Variants in COL6A3 observed in about 807,000 individuals in gnomAD.
The protein encoded by COL6A3 is collagen alpha-3(VI) chain.
A neutral mutation model predicts 274.1 loss-of-function variants in COL6A3; 137 were observed. The observed-to-expected ratio is 0.50, with a 90% CI of 0.44 to 0.58. The LOEUF is 0.58. Ranked by LOEUF, COL6A3 falls within the 20% of genes least tolerant of loss-of-function variation. COL6A3 has a pLI of 0.00. For missense variants in COL6A3, 3,950 were observed against 4,124.9 expected (o/e 0.96, Z 1.16); for synonymous variants, 1,650 against 1,650.6 (o/e 1.00, Z 0.01).
At chr2:237,328,201 T>G (rs1700049039) in intron 42 of COL6A3, 1 of 152,342 alleles carries the variant, frequency 6.6e-6, no homozygotes, top group African/African-American at 2.4e-5. Flanking sequence ...GCTGCCTGAC[T>G]CAGACCACTG....
chr2:237,365,244 G>T (rs1448561417), intron 12 of COL6A3, among the ~76,000 whole-genome samples: 2 of 151,360 alleles, frequency 1.3e-5, no homozygotes, highest in African/African-American at 4.9e-5. Flanking sequence ...AGGATGTCAA[G>T]CCTCCAAGAC....
At chr2:237,360,036 G>A in intron 17 of COL6A3, 52 bp downstream of exon 17, 1 of 1,580,832 alleles carries the variant, frequency 6.3e-7, no homozygotes, top group African/African-American at 1.3e-5. Flanking sequence ...TGGAGAAACT[G>A]CGAGTCACCT....
At position 237,324,684 on chromosome 2, in the gene COL6A3, G is replaced by A. The variant is rs886055802; in HGVS notation, c.*90C>T. ...CAAAGCATGAAATGATACAGTGCAA[G>A]GGAATCTACACCCGGAGCTTCTACA... On this transcript the variant is annotated 3_prime_UTR_variant, in exon 44 of 44. Transcript: ENST00000295550. 7 of 1,180,696 alleles carry A rather than the reference G, an allele frequency of 5.9e-6. No homozygotes were observed. The South Asian group carries it at 7.4e-5, about 13-fold the overall frequency. 73.1% of individuals were successfully genotyped at this position (1,180,696 alleles called of 1,614,324 possible).
At chr2:237,360,985 A>G in intron 16 of COL6A3, 136 bp downstream of exon 16, 2 of 777,308 alleles carry the variant, frequency 2.6e-6, no homozygotes, top group Non-Finnish European at 4.5e-6. Context: ...AGTTGTTAAG[A>G]AAAGTATAAA....
rs1358346718 is a variant in COL6A3, at chr2:237,342,138, A to T, written c.7692T>A (p.His2564Gln). 1.2e-6 allele frequency: 2 copies of T among 1,614,082 alleles called. No individual in the cohort carries two copies. Among genetic ancestry groups the T allele is most frequent in the East Asian group, 2.2e-5 (1 of 44,904 alleles). The change falls in exon 37 of 44, where the codon CAT (histidine) becomes CAA (glutamine). Residue 2564 changes from histidine (H) to glutamine (Q), a missense_variant. Around this residue, in one of 5 missense-constraint regions of COL6A3, gnomAD observed 1,284 missense variants for 1,349.7 expected, o/e 0.95. Coordinates refer to ENST00000295550, the MANE Select transcript of COL6A3 (RefSeq NM_004369.4). ...ALQINNTAVG[H>Q]ALVLPAGRDL... ...CTCTCCCTGCAGGCAGGACAAGCGCATGCCCCACTGCTGTGTTATTGATCT... is the reference window on the plus strand; with the variant it reads ...CTCTCCCTGCAGGCAGGACAAGCGCTTGCCCCACTGCTGTGTTATTGATCT...
chr2:237,385,288 A>T (rs148078952), intron 4 of COL6A3, among the ~76,000 whole-genome samples: 1 of 152,364 alleles, frequency 6.6e-6, no homozygotes, highest in African/African-American at 2.4e-5. Flanking sequence ...GGCACATGCC[A>T]GATAGTCAAG....
Position 237,368,862 on chromosome 2 carries a change from C to T in COL6A3, c.4601G>A (p.Ser1534Asn), listed in dbSNP as rs1052917427. 1 of 1,614,216 alleles carries T rather than the reference C, an allele frequency of 6.2e-7. No individual in the cohort carries two copies. Among genetic ancestry groups the T allele is most frequent in the Non-Finnish European group, 8.5e-7 (1 of 1,180,036 alleles). ...ARNLFVKSAG[S>N]RIEDGVPQHL... ...TTGGGGCACCCCGTCTTCTATGCGA[C>T]TCCCCGCAGACTTAACAAAGAGGTT... The change falls in exon 10 of 44, where the codon AGT (serine) becomes AAT (asparagine). Residue 1534 changes from serine (S) to asparagine (N), a missense_variant. Ser to Asn is a conservative substitution (Grantham distance 46, BLOSUM62 1). This residue lies in a region of COL6A3 where 1,934 missense variants were observed against 1,984.3 expected (regional missense o/e 0.97). Transcript: ENST00000295550. The surrounding 1 kb of genome is among the most constrained non-coding windows in gnomAD (Gnocchi z 4.4).
intron 1 of COL6A3, among the ~76,000 whole-genome samples, chr2:237,398,150 A>C (rs1179677869): frequency 1.3e-5 from 2 of 152,250 alleles, no homozygotes; most frequent in Non-Finnish European, 2.9e-5. Flanking sequence ...TTCTCTATTA[A>C]TATTTAGCAC....
chr2:237,353,262 G>T, intron 25 of COL6A3, 79 bp downstream of exon 25: 3 of 1,400,350 alleles, frequency 2.1e-6, no homozygotes, highest in Non-Finnish European at 3.0e-6. Context: ...TAACTTTCCG[G>T]ATATAAATGC....
rs1655479298 is a variant in COL6A3 at position 237,344,193 on chromosome 2, G to A, written c.7668+157C>T. ...AGTGCTGGAGCCACGAGGTTGTCCT[G>A]GAGACCTCACAAGAGAAGTTCTCAG... is the stretch of plus-strand genomic sequence containing the variant. On this transcript the variant is annotated intron_variant, in intron 36 of 43. Coordinates refer to ENST00000295550, the MANE Select transcript of COL6A3 (RefSeq NM_004369.4). The surrounding 1 kb of genome is among the most constrained non-coding windows in gnomAD (Gnocchi z 4.8). 6 of 1,110,616 alleles carry A rather than the reference G, an allele frequency of 5.4e-6. No homozygotes were observed. The highest frequency in any genetic ancestry group is 1.7e-5 in the Admixed American group (1 of 59,238). The allele number at this position is 1,110,616 out of a possible 1,614,324, so 68.8% of individuals were successfully genotyped here.
In COL6A3 at chr2:237,344,406, T is replaced by C. The variant is rs770214397; in HGVS notation, c.7612A>G (p.Ile2538Val). ...EAVLKLSDAG[I>V]TPLFLTRQED... ...TGCCTTGTAAGGAACAAGGGGGTGA[T>C]CCCCGCATCTGAGAGCTTGAGCACA... The change falls in exon 36 of 44, where the codon ATC becomes GTC. Residue 2538 changes from isoleucine (I) to valine (V), a missense_variant. Around this residue, in one of 5 missense-constraint regions of COL6A3, gnomAD observed 1,284 missense variants for 1,349.7 expected, o/e 0.95. Transcript: ENST00000295550. This position sits in a 1 kb window ranked among gnomAD's most constrained non-coding sequence, Gnocchi z 4.8. 5.6e-6 allele frequency: 9 copies of C among 1,613,980 alleles called. No individual in the cohort carries two copies. In the East Asian group the frequency reaches 1.6e-4, roughly 28 times the overall value.
In COL6A3 at chr2:237,380,975, A is replaced by G; in HGVS notation, c.1837T>C (p.Leu613=). 1 of 1,614,196 alleles carries G rather than the reference A, an allele frequency of 6.2e-7. No individual in the cohort carries two copies. Among genetic ancestry groups the G allele is most frequent in the Non-Finnish European group, 8.5e-7 (1 of 1,180,026 alleles). Residue 613 remains leucine, a synonymous_variant, in exon 5 of 44, where the codon TTG becomes CTG. Coordinates refer to ENST00000295550, the MANE Select transcript of COL6A3 (RefSeq NM_004369.4). ...FIPAEFRAAP[L]QGMLPGLLAP... ...AGCAAGCCAGGCAGCATGCCTTGCA[A>G]TGGGGCGGCTCGGAACTCAGCTGGG...
intron 1 of COL6A3, among the ~76,000 whole-genome samples, chr2:237,401,239 G>A (rs6720283): frequency 0.32 from 48,252 of 151,866 alleles, 9,333 homozygotes; most frequent in East Asian, 0.48. Context: ...CCCACTTTTG[G>A]GTATATCCAA....
Position 237,387,644 on chromosome 2 carries a change from G to A in COL6A3, c.1250C>T (p.Pro417Leu), listed in dbSNP as rs768565371. 1.4e-5 allele frequency: 23 copies of A among 1,613,616 alleles called. No homozygotes were observed. The highest frequency in any genetic ancestry group is 4.4e-5 in the South Asian group (4 of 90,944). ...SFGDLQEKLL[P>L]YIVGVAQRHI... The stretch of plus-strand genomic sequence containing the variant: ...CCTTTGGGCCACGCCAACAATGTAC[G>A]GCAGTAATTTCTCCTGGAGGTCCCC... The change falls in exon 4 of 44, where the codon CCG (proline) becomes CTG (leucine). Residue 417 changes from proline (P) to leucine (L), a missense_variant. Pro to Leu is a moderately conservative substitution (Grantham distance 98). This residue lies in a region of COL6A3 where 1,934 missense variants were observed against 1,984.3 expected (regional missense o/e 0.97). Transcript: ENST00000295550.
intron 9 of COL6A3, among the ~76,000 whole-genome samples, chr2:237,369,736 G>C (rs992742963): frequency 1.3e-5 from 2 of 152,190 alleles, no homozygotes; most frequent in Non-Finnish European, 2.9e-5. Flanking sequence ...TCACATTAAT[G>C]CTCCCCAGGC....
chr2:237,393,206 G>A (rs1048987843), intron 3 of COL6A3, among the ~76,000 whole-genome samples: 1 of 152,170 alleles, frequency 6.6e-6, no homozygotes, highest in African/African-American at 2.4e-5. Context: ...GATCCTGGGA[G>A]TGCCTGAGAT....
intron 40 of COL6A3, among the ~76,000 whole-genome samples, chr2:237,335,283 T>C (rs1301595892): frequency 2.0e-5 from 3 of 152,216 alleles, no homozygotes; most frequent in Non-Finnish European, 2.9e-5. Flanking sequence ...GAATTCTGCT[T>C]TCTCTCTCAT....
Position 237,381,497 on chromosome 2 carries a change from T to A in COL6A3, c.1315A>T (p.Ile439Phe). Residue 439 changes from isoleucine (I) to phenylalanine (F), a missense_variant and splice_region_variant, in exon 5 of 44, where the codon ATT becomes TTT. Physicochemically the swap from Ile to Phe is conservative, Grantham distance 21. Coordinates refer to ENST00000295550, the MANE Select transcript of COL6A3 (RefSeq NM_004369.4). Reference protein sequence around the residue: ...LKPPTIVTQVIEVNKRDIVFL... With the variant: ...LKPPTIVTQVFEVNKRDIVFL... ...ACTATGTCTCTCTTGTTGACTTCAA[T>A]GACTGTAGGTGGCAACATTATAAGG... 1.2e-6 allele frequency: 2 copies of A among 1,600,144 alleles called. No homozygotes were observed. The highest frequency in any genetic ancestry group is 1.7e-6 in the Non-Finnish European group (2 of 1,178,792).
chr2:237,360,256 G>T, intron 16 of COL6A3, 97 bp from the exon 17 acceptor site: 1 of 1,172,488 alleles, frequency 8.5e-7, no homozygotes, highest in Non-Finnish European at 1.3e-6. Flanking sequence ...TGAACAGCAT[G>T]CAGCAGAAAG....
Sources: gnomAD v4.1 joint callset for allele counts (sites outside exome capture counted in the v4.1 genomes callset) on GRCh38, gnomAD v4.1.1 for gene constraint, gnomAD v4.1.1 regional missense constraint, Gnocchi (gnomAD v3.1) non-coding constraint, MANE v1.5 for transcripts, NCBI Gene and HGNC (gene_info 2026-07-23, HGNC 2026-07-21) for gene names.